The following ARSG variants were observed in gnomAD, a reference collection of about 807,000 sequenced individuals.
ARSG encodes the protein arylsulfatase G.
In ARSG, 37 loss-of-function variants were observed where a neutral mutation model predicts 50.5. The observed-to-expected ratio is 0.73, with a 90% CI of 0.56 to 0.96. ARSG has a LOEUF of 0.96. Ranked by LOEUF, ARSG falls within the 50% of genes least tolerant of loss-of-function variation. ARSG has a pLI of 0.00. For synonymous variants in ARSG, 225 were observed against 254.6 expected (o/e 0.88, Z 1.11); for missense variants, 629 against 675.3 (o/e 0.93, Z 0.76).
the ARSG span, among the ~76,000 whole-genome samples, chr17:68,430,605 C>T: frequency 1.6e-4 from 24 of 152,172 alleles, no homozygotes; most frequent in East Asian, 1.2e-3. Context: ...AGCAAACCTC[C>T]GGGCAAGACA....
At chr17:68,436,136 C>T in the ARSG span, among the ~76,000 whole-genome samples, 1 of 152,344 alleles carries the variant, frequency 6.6e-6, no homozygotes, top group East Asian at 1.9e-4. Flanking sequence ...GACAACTGGC[C>T]CCCTGCTGGC....
At chr17:68,315,976 A>G (rs572483689) in intron 2 of ARSG, among the ~76,000 whole-genome samples, 14 of 152,306 alleles carry the variant, frequency 9.2e-5, no homozygotes, top group Non-Finnish European at 1.6e-4. Flanking sequence ...TGATGCAACC[A>G]TCGTTCAGGA....
At chr17:68,346,743 C>T (rs1162865560) in intron 3 of ARSG, 1 of 1,282,292 alleles carries the variant, frequency 7.8e-7, no homozygotes, top group Non-Finnish European at 1.0e-6. Context: ...GGCGGTGCAC[C>T]TGCACCCTGG....
intron 8 of ARSG, among the ~76,000 whole-genome samples, chr17:68,383,259 A>G (rs2080526811): frequency 5.3e-5 from 8 of 152,100 alleles, no homozygotes; most frequent in South Asian, 4.1e-4. Flanking sequence ...AATTAGACCA[A>G]TCCCTAATTG....
At chr17:68,277,332 A>G (rs1555751295) in intron 1 of ARSG, among the ~76,000 whole-genome samples, 2 of 151,906 alleles carry the variant, frequency 1.3e-5, no homozygotes, top group East Asian at 1.9e-4. Context: ...GGGTTTCACT[A>G]TGTTGGTCAG....
intron 8 of ARSG, among the ~76,000 whole-genome samples, chr17:68,372,877 A>ATTTT (rs55668215): frequency 2.4e-4 from 22 of 93,204 alleles, no homozygotes; most frequent in South Asian, 8.1e-4. Context: ...GGAAATGCTG[A>ATTTT]TTTTTTTTTT....
intron 2 of ARSG, among the ~76,000 whole-genome samples, chr17:68,331,233 G>GTTTC (rs869049629): frequency 4.5e-4 from 38 of 85,040 alleles, no homozygotes; most frequent in Admixed American, 1.2e-3. Flanking sequence ...TTCTTTCTTT[G>GTTTC]TTTCTTTCTT....
intron 1 of ARSG, among the ~76,000 whole-genome samples, chr17:68,281,704 CCA>C (rs1174001929): frequency 6.6e-6 from 1 of 152,052 alleles, no homozygotes; most frequent in Non-Finnish European, 1.5e-5. Context: ...CAAATCAAAA[CCA>C]CAGTGAGGTA....
At chr17:68,346,941 C>G (rs899646995) in intron 3 of ARSG, 184 bp from the exon 4 acceptor site, 3 of 1,510,396 alleles carry the variant, frequency 2.0e-6, no homozygotes, top group East Asian at 5.1e-5. Flanking sequence ...TTTATGTGTC[C>G]CTGTGGACAC....
At chr17:68,276,319 T>C (rs1018567369) in intron 1 of ARSG, among the ~76,000 whole-genome samples, 4 of 152,090 alleles carry the variant, frequency 2.6e-5, no homozygotes, top group Non-Finnish European at 5.9e-5. Context: ...TGTAAAGACA[T>C]TCTATGGCTA....
At position 68,392,617 on chromosome 17, in the gene ARSG, AGCCTCCC is replaced by A. The variant is rs747969955; in HGVS notation, c.1092-2455_1092-2449del. Among the ~76,000 whole-genome samples the A allele has an allele frequency of 3.3e-5, 5 of 152,252 alleles. No homozygotes were observed. In the East Asian group the frequency reaches 9.7e-4, roughly 29 times the overall value. On this transcript the variant is annotated intron_variant, in intron 9 of 11. Coordinates refer to ENST00000621439, the MANE Select transcript of ARSG (RefSeq NM_001267727.2). ...CAGGTTCAAGCCATTCACCTGCCTC[AGCCTCCC>A]AAGTAGCTGGGATTACAGGCGTGTG...
At chr17:68,395,503 G>A (rs1022403943) in intron 10 of ARSG, among the ~76,000 whole-genome samples, 2 of 152,186 alleles carry the variant, frequency 1.3e-5, no homozygotes, top group South Asian at 2.1e-4. Flanking sequence ...CAGCAGAATC[G>A]CTTGAACCCG....
intron 4 of ARSG, among the ~76,000 whole-genome samples, chr17:68,348,895 C>T (rs75408839): frequency 0.041 from 6,293 of 152,294 alleles, 160 homozygotes; most frequent in Non-Finnish European, 0.05. Flanking sequence ...GCAAACACAA[C>T]GAGGTCTTTC....
At chr17:68,393,253 G>T (rs1398457340) in intron 9 of ARSG, among the ~76,000 whole-genome samples, 4 of 152,190 alleles carry the variant, frequency 2.6e-5, no homozygotes, top group Non-Finnish European at 5.9e-5. Flanking sequence ...TTACAGAAAT[G>T]AATCTAAGTT....
At position 68,418,836 on chromosome 17, in the gene ARSG, C is replaced by T. The variant is rs534858954; in HGVS notation, c.1304-1353C>T. 2.0e-5 allele frequency among the ~76,000 whole-genome samples: 3 copies of T among 152,284 alleles called. No homozygotes were observed. The South Asian group carries it at 6.2e-4, about 32-fold the overall frequency. On this transcript the variant is annotated intron_variant, in intron 11 of 11. Coordinates refer to ENST00000621439, the MANE Select transcript of ARSG (RefSeq NM_001267727.2). Reference sequence around the variant, plus strand: ...AGTGCCAGAAAAAGCTCTGCTTCTCCTGAGCAACTGATAAGTTTCTATCTC... The same window carrying T: ...AGTGCCAGAAAAAGCTCTGCTTCTCTTGAGCAACTGATAAGTTTCTATCTC...
At chr17:68,432,222 G>C in the ARSG span, among the ~76,000 whole-genome samples, 1 of 152,132 alleles carries the variant, frequency 6.6e-6, no homozygotes, top group African/African-American at 2.4e-5. Context: ...GGGGTGGGGG[G>C]AGACAAGGAT....
chr17:68,302,199 C>G lies in ARSG; in HGVS notation c.-551-4744C>G, dbSNP rs1599630538. 4.6e-5 allele frequency among the ~76,000 whole-genome samples: 7 copies of G among 152,296 alleles called. No homozygotes were observed. In the South Asian group the frequency reaches 1.2e-3, roughly 27 times the overall value. On this transcript the variant is annotated intron_variant, in intron 1 of 11. Transcript: ENST00000621439. ...AGCTGATGCCCAAGGCCCCTTCTGA[C>G]AGCCCCTGATGGCTCGTGGCCGCCA... is the stretch of plus-strand genomic sequence containing the variant.
downstream of ARSG, among the ~76,000 whole-genome samples, chr17:68,424,299 C>T (rs532551557): frequency 1.3e-5 from 2 of 152,272 alleles, no homozygotes; most frequent in South Asian, 2.1e-4. Flanking sequence ...GCGACCGACC[C>T]GCAGAGCCGA....
At chr17:68,290,098 G>A (rs1304204402), upstream of ARSG, among the ~76,000 whole-genome samples, 1 of 152,176 alleles carries the variant, frequency 6.6e-6, no homozygotes, top group South Asian at 2.1e-4. Context: ...AAAACAATCA[G>A]ATCACTGAGA....
Sources: allele counts gnomAD v4.1 joint callset (sites outside exome capture counted in the v4.1 genomes callset), GRCh38; gene constraint gnomAD v4.1.1; transcripts MANE v1.5; gene names NCBI Gene and HGNC (gene_info 2026-07-23, HGNC 2026-07-21).